TBX15: variants seen among roughly 807,000 people sequenced by gnomAD.
TBX15 encodes the protein T-box transcription factor 15, also known as T-box transcription factor TBX15.
In TBX15, 18 loss-of-function variants were observed where a neutral mutation model predicts 53.9. That is an observed-to-expected ratio of 0.33 (90% confidence interval 0.23 to 0.49). TBX15 has a LOEUF of 0.49. Among genes scored for constraint, TBX15 ranks in the 20% least tolerant of loss-of-function variants. The pLI is 0.98. For missense variants in TBX15, 692 were observed against 749.5 expected (o/e 0.92, Z 0.90); for synonymous variants, 295 against 278.0 (o/e 1.06, Z -0.61).
chr1:118,957,313 A>G (rs1656724499), intron 1 of TBX15, among the ~76,000 whole-genome samples: 2 of 152,138 alleles, frequency 1.3e-5, no homozygotes, highest in African/African-American at 4.8e-5. Flanking sequence ...ACTTAGAGTA[A>G]TGCCTTGGCC....
chr1:118,889,724 T>A (rs1398573456), intron 7 of TBX15, among the ~76,000 whole-genome samples: 1 of 152,224 alleles, frequency 6.6e-6, no homozygotes, highest in Non-Finnish European at 1.5e-5. Flanking sequence ...TTTGTAGAGA[T>A]GTTTTGAGAA....
At chr1:118,966,267 CAGA>C (rs1473798570) in intron 1 of TBX15, among the ~76,000 whole-genome samples, 2 of 152,176 alleles carry the variant, frequency 1.3e-5, no homozygotes, top group East Asian at 1.9e-4. Flanking sequence ...GGCCCATGAA[CAGA>C]AGAAGATACC....
Position 118,890,246 on chromosome 1 carries a change from C to T in TBX15, c.1025-4730G>A, listed in dbSNP as rs75659168. ...TGAATTATCTGTCCCTCCTCCCTCA[C>T]TTCCAGTTCAGGACAAGAATGGCTG... On this transcript the variant is annotated intron_variant, in intron 7 of 7. Coordinates refer to ENST00000369429, the MANE Select transcript of TBX15 (RefSeq NM_001330677.2). 3.5e-3 allele frequency among the ~76,000 whole-genome samples: 539 copies of T among 152,256 alleles called. 4 individuals are homozygous for T. The highest frequency in any genetic ancestry group is 0.013 in the African/African-American group (526 of 41,546).
intron 1 of TBX15, among the ~76,000 whole-genome samples, chr1:118,957,237 A>G (rs1656722348): frequency 6.6e-6 from 1 of 152,252 alleles, no homozygotes; most frequent in Admixed American, 6.5e-5. Context: ...ATCAAGGAAG[A>G]AAAAGGAAAT....
intron 7 of TBX15, among the ~76,000 whole-genome samples, chr1:118,888,472 C>T (rs1654023595): frequency 6.6e-6 from 1 of 152,182 alleles, no homozygotes; most frequent in African/African-American, 2.4e-5. Flanking sequence ...GCTGAATGGC[C>T]AGGCCTTCTG....
At chr1:118,987,307 C>T (rs1657870912) in intron 1 of TBX15, among the ~76,000 whole-genome samples, 2 of 152,350 alleles carry the variant, frequency 1.3e-5, no homozygotes, top group South Asian at 4.1e-4. Context: ...CCTTCATCCA[C>T]GGACACCCAG....
intron 1 of TBX15, among the ~76,000 whole-genome samples, chr1:118,952,434 G>C (rs767817709): frequency 2.6e-5 from 4 of 152,078 alleles, no homozygotes; most frequent in Non-Finnish European, 5.9e-5. Flanking sequence ...ATAATTTTCT[G>C]TCCTTAAAAC....
intron 7 of TBX15, among the ~76,000 whole-genome samples, chr1:118,886,347 G>A (rs753030823): frequency 1.3e-4 from 20 of 152,148 alleles, no homozygotes; most frequent in Non-Finnish European, 2.4e-4. Flanking sequence ...TGAGAGTCAG[G>A]AGATCTGGGT....
chr1:118,964,882 C>T (rs910568786), intron 1 of TBX15, among the ~76,000 whole-genome samples: 1 of 152,232 alleles, frequency 6.6e-6, no homozygotes, highest in Non-Finnish European at 1.5e-5. Context: ...AAGAGATAAA[C>T]ACCCTTCATA....
At position 118,884,134 on chromosome 1, in the gene TBX15, G is replaced by C. The variant is rs1653832238; in HGVS notation, c.*598C>G. 1.3e-5 allele frequency: 2 copies of C among 156,230 alleles called. No individual in the cohort carries two copies. Among genetic ancestry groups the C allele is most frequent in the South Asian group, 3.9e-4 (2 of 5,068 alleles). 9.7% of individuals were successfully genotyped at this position (156,230 alleles called of 1,614,324 possible). ...TCTCATCCATTGGGAGGGTCTCCAG[G>C]ATACATGGTTCATTCCAGAAGCAGA... On this transcript the variant is annotated 3_prime_UTR_variant, in exon 8 of 8. Coordinates refer to ENST00000369429, the MANE Select transcript of TBX15 (RefSeq NM_001330677.2).
intron 6 of TBX15, among the ~76,000 whole-genome samples, chr1:118,910,877 TG>T (rs1420589457): frequency 1.3e-5 from 2 of 152,070 alleles, no homozygotes; most frequent in Non-Finnish European, 2.9e-5. Flanking sequence ...CTTACTTACA[TG>T]GGGATAGAAA....
At chr1:118,908,377 CAA>C (rs66887595) in intron 6 of TBX15, among the ~76,000 whole-genome samples, 2,927 of 132,184 alleles carry the variant, frequency 0.022, 40 homozygotes, top group Middle Eastern at 0.032. Flanking sequence ...AGCACAAGAC[CAA>C]AAAAAAAAAA....
intron 1 of TBX15, among the ~76,000 whole-genome samples, chr1:118,964,362 G>C (rs1400273265): frequency 6.6e-6 from 1 of 152,178 alleles, no homozygotes; most frequent in Admixed American, 6.5e-5. Flanking sequence ...AATAGTTACT[G>C]ACATTAATAG....
intron 1 of TBX15, among the ~76,000 whole-genome samples, chr1:118,961,945 T>G (rs904993885): frequency 6.6e-6 from 1 of 152,256 alleles, no homozygotes; most frequent in Non-Finnish European, 1.5e-5. Context: ...GGCTTTGGTC[T>G]TCCTACAACC....
chr1:118,938,072 G>T (rs1043055585), intron 1 of TBX15, among the ~76,000 whole-genome samples: 3 of 152,116 alleles, frequency 2.0e-5, no homozygotes, highest in Admixed American at 1.3e-4. Context: ...TCTAAATATG[G>T]CAGAAGCAGA....
chr1:118,923,414 A>G, intron 5 of TBX15, 22 bp downstream of exon 5: 1 of 1,613,412 alleles, frequency 6.2e-7, no homozygotes, highest in Middle Eastern at 1.7e-4. Flanking sequence ...GTAGCAGAAG[A>G]CTCTCAAGGG....
chr1:118,984,834 G>A (rs565062381), intron 1 of TBX15, among the ~76,000 whole-genome samples: 1 of 152,172 alleles, frequency 6.6e-6, no homozygotes, highest in Non-Finnish European at 1.5e-5. Flanking sequence ...CCTACAACGC[G>A]CAGGCCGGAC....
At chr1:118,906,318 G>A (rs1766784) in intron 6 of TBX15, among the ~76,000 whole-genome samples, 10 of 152,150 alleles carry the variant, frequency 6.6e-5, no homozygotes, top group Admixed American at 2.6e-4. Flanking sequence ...AAATTTTAAC[G>A]GAGATCCTCT....
Position 118,884,352 on chromosome 1 carries a change from G to C in TBX15, c.*380C>G. On this transcript the variant is annotated 3_prime_UTR_variant, in exon 8 of 8. Transcript: ENST00000369429. The stretch of plus-strand genomic sequence containing the variant: ...AATATGTATGTGTGTGTGCACGTAT[G>C]TATAGGTAGGTCTGTCTGTATGTGG... 1 of 302,620 alleles carries C rather than the reference G, an allele frequency of 3.3e-6. No individual in the cohort carries two copies. Among genetic ancestry groups the C allele is most frequent in the Non-Finnish European group, 6.3e-6 (1 of 158,552 alleles). 18.7% of individuals were successfully genotyped at this position (302,620 alleles called of 1,614,324 possible).
Sources: gnomAD v4.1 joint callset for allele counts (sites outside exome capture counted in the v4.1 genomes callset) on GRCh38, gnomAD v4.1.1 for gene constraint, MANE v1.5 for transcripts, NCBI Gene and HGNC (gene_info 2026-07-23, HGNC 2026-07-21) for gene names.